Variants in RUNX1T1 observed in about 807,000 individuals in gnomAD.
RUNX1T1 encodes the protein protein CBFA2T1.
A neutral mutation model predicts 62.8 loss-of-function variants in RUNX1T1; 4 were observed. The ratio of observed to expected loss-of-function variants is 0.06; its 90% CI spans 0.03 to 0.15. The LOEUF (loss-of-function observed/expected upper bound fraction) is 0.15. Among genes scored for constraint, RUNX1T1 ranks in the 10% least tolerant of loss-of-function variants. RUNX1T1 has a pLI of 1.00. For synonymous variants in RUNX1T1, 291 were observed against 286.0 expected, an observed-to-expected ratio of 1.02 and a Z score of -0.18; for missense variants, 508 against 754.3, an observed-to-expected ratio of 0.67 and a Z score of 3.82.
At chr8:91,975,141 G>C (rs1813642802) in intron 9 of RUNX1T1, among the ~76,000 whole-genome samples, 1 of 152,162 alleles carries the variant, frequency 6.6e-6, no homozygotes, top group Non-Finnish European at 1.5e-5. Flanking sequence ...ACAGGTTTAT[G>C]TTTCATCTCC....
At chr8:91,960,191 T>A (rs1162114096) in exon 11 of RUNX1T1, 10 of 1,556,214 alleles carry the variant, frequency 6.4e-6, no homozygotes, top group African/African-American at 1.4e-5. Context: ...GATGAGGAAT[T>A]GGTTTCGCGT....
intron 1 of RUNX1T1, among the ~76,000 whole-genome samples, chr8:92,054,258 C>G (rs948942702): frequency 6.6e-6 from 1 of 152,022 alleles, no homozygotes; most frequent in African/African-American, 2.4e-5. Context: ...GGGTGGCACA[C>G]TGATAGAGAA....
intron 1 of RUNX1T1, among the ~76,000 whole-genome samples, chr8:92,090,324 C>A (rs542179226): frequency 1.3e-5 from 2 of 151,984 alleles, no homozygotes; most frequent in South Asian, 4.2e-4. Context: ...TTGAACCTGG[C>A]CAACTGGGAA....
upstream of RUNX1T1, chr8:92,103,119 C>T: frequency 2.5e-6 from 1 of 403,172 alleles, no homozygotes; most frequent in East Asian, 3.8e-5. Flanking sequence ...GCCAGCCAAA[C>T]GCAACCTCCA....
At chr8:92,062,540 A>T in intron 1 of RUNX1T1, 1 of 1,613,914 alleles carries the variant, frequency 6.2e-7, no homozygotes, top group East Asian at 2.2e-5. Flanking sequence ...AACAGGGCTA[A>T]CTCACCAGGC....
intron 1 of RUNX1T1, among the ~76,000 whole-genome samples, chr8:92,041,277 C>T (rs1036814123): frequency 3.3e-5 from 5 of 152,332 alleles, no homozygotes; most frequent in African/African-American, 1.2e-4. Context: ...AACTACTATA[C>T]TATTCGACTA....
intron 1 of RUNX1T1, among the ~76,000 whole-genome samples, chr8:92,028,837 T>C (rs1453803314): frequency 6.6e-6 from 1 of 152,166 alleles, no homozygotes; most frequent in Non-Finnish European, 1.5e-5. Flanking sequence ...TAACATTTTG[T>C]TGTCAAACTG....
At chr8:91,968,821 T>C (rs939995396) in intron 10 of RUNX1T1, among the ~76,000 whole-genome samples, 6 of 152,184 alleles carry the variant, frequency 3.9e-5, no homozygotes, top group Admixed American at 1.3e-4. Flanking sequence ...TCCTCATCCA[T>C]AGCATGACTC....
rs150321449 is a variant in RUNX1T1, at chr8:92,051,607, C to G, written c.7+10939G>C. ...TCTCTCACACACACACACACACTCT[C>G]TCTCTCTCTCTCTCTCACTCTCTCT... On this transcript the variant is annotated intron_variant, in intron 1 of 10. Coordinates refer to ENST00000396218, the Ensembl canonical transcript of RUNX1T1. Among the ~76,000 whole-genome samples the G allele has an allele frequency of 1.5e-3, 218 of 149,278 alleles. 5 individuals are homozygous for G. The East Asian group carries it at 0.039, about 27-fold the overall frequency.
At position 92,040,396 on chromosome 8, in the gene RUNX1T1, C is replaced by T. The variant is rs530646998; in HGVS notation, c.7+22150G>A. On this transcript the variant is annotated intron_variant, in intron 1 of 10. Transcript: ENST00000396218. ...ACGGACACACATGTTCCTTAAAAGG[C>T]CGAGTCTACATCCTATTGATTATTC... is the stretch of plus-strand genomic sequence containing the variant. 4.6e-5 allele frequency among the ~76,000 whole-genome samples: 7 copies of T among 152,262 alleles called. No individual in the cohort carries two copies. The East Asian group carries it at 1.4e-3, about 29-fold the overall frequency.
At chr8:91,971,068 T>G (rs2130625804) in intron 9 of RUNX1T1, 1 of 411,734 alleles carries the variant, frequency 2.4e-6, no homozygotes, top group East Asian at 3.6e-5. Context: ...TGTAGAATTC[T>G]ATAGAAGAAG....
chr8:91,959,200 G>A (rs909931098), exon 11 of RUNX1T1: 3 of 217,860 alleles, frequency 1.4e-5, no homozygotes, highest in African/African-American at 4.5e-5. Context: ...ATCCAAACAG[G>A]GTGGGGTTGA....
At chr8:92,006,577 T>C (rs963518471) in intron 4 of RUNX1T1, 3 of 149,560 alleles carry the variant, frequency 2.0e-5, no homozygotes, top group Middle Eastern at 3.2e-3. Flanking sequence ...CTCAAATTCA[T>C]TTTTTTTTTC....
chr8:92,033,993 A>T (rs982859189), intron 1 of RUNX1T1, among the ~76,000 whole-genome samples: 7 of 151,968 alleles, frequency 4.6e-5, no homozygotes, highest in Non-Finnish European at 4.4e-5. Context: ...TTTTTTTTAA[A>T]TTTGGAACTC....
chr8:91,995,708 G>A (rs1007505121), intron 5 of RUNX1T1, among the ~76,000 whole-genome samples: 4 of 151,970 alleles, frequency 2.6e-5, no homozygotes, highest in Non-Finnish European at 4.4e-5. Flanking sequence ...GATCACTTGA[G>A]CCCAAGAGAT....
chr8:92,053,647 G>A (rs1005993747), intron 1 of RUNX1T1, among the ~76,000 whole-genome samples: 34 of 152,106 alleles, frequency 2.2e-4, no homozygotes, highest in African/African-American at 8.2e-4. Flanking sequence ...ATTCTCATTC[G>A]TAAAGACCAC....
chr8:91,960,049 C>T (rs112002942), exon 11 of RUNX1T1: 149 of 609,946 alleles, frequency 2.4e-4, no homozygotes, highest in Middle Eastern at 4.3e-4. Flanking sequence ...TAAGTCATTA[C>T]GACCCGTTAC....
At chr8:91,996,656 G>C (rs1177011618) in intron 5 of RUNX1T1, among the ~76,000 whole-genome samples, 2 of 152,104 alleles carry the variant, frequency 1.3e-5, no homozygotes, top group African/African-American at 4.8e-5. Context: ...TCAGCCGTGT[G>C]ATCTCCAGTT....
At chr8:92,007,652 T>G (rs1334882657) in intron 4 of RUNX1T1, among the ~76,000 whole-genome samples, 1 of 152,078 alleles carries the variant, frequency 6.6e-6, no homozygotes, top group African/African-American at 2.4e-5. Flanking sequence ...ATGTACAGCA[T>G]GTACTGTACT....
Sources: allele counts gnomAD v4.1 joint callset (sites outside exome capture counted in the v4.1 genomes callset), GRCh38; gene constraint gnomAD v4.1.1; transcripts MANE v1.5; gene names NCBI Gene and HGNC (gene_info 2026-07-23, HGNC 2026-07-21).